PHACTR4: variants seen among roughly 807,000 people sequenced by gnomAD.
The protein encoded by PHACTR4 is phosphatase and actin regulator 4, also known as protein phosphatase 1, regulatory subunit 124.
PHACTR4 carries 51 observed loss-of-function variants against 72.7 expected under a neutral mutation model. That is an observed-to-expected ratio of 0.70 (90% CI 0.56 to 0.89). The LOEUF is 0.89. Ranked by LOEUF, PHACTR4 falls within the 40% of genes least tolerant of loss-of-function variation. PHACTR4 has a pLI of 0.00. For missense variants in PHACTR4, 731 were observed against 861.8 expected (o/e 0.85, Z 1.90); for synonymous variants, 255 against 302.5 (o/e 0.84, Z 1.63).
intron 1 of PHACTR4, among the ~76,000 whole-genome samples, chr1:28,398,335 A>G (rs1334567891): frequency 1.3e-5 from 2 of 152,046 alleles, no homozygotes; most frequent in Admixed American, 6.6e-5. Flanking sequence ...CCTGGCCAGC[A>G]TGGTGAAACC....
At chr1:28,378,136 G>T (rs1651836663) in intron 1 of PHACTR4, among the ~76,000 whole-genome samples, 1 of 144,896 alleles carries the variant, frequency 6.9e-6, no homozygotes, top group Non-Finnish European at 1.5e-5. Context: ...GGCACGGCTT[G>T]CAGTGAGCCA....
At position 28,380,050 on chromosome 1, in the gene PHACTR4, A is replaced by ATTT. The variant is rs1405487346; in HGVS notation, c.-39+10225_-39+10226insTTT. ...GTTATTCTGTGTTTTTTTAAATGTAACTTTTTTTTTTTTTTTTTTTTTTTG... is the reference window on the plus strand; with the variant it reads ...GTTATTCTGTGTTTTTTTAAATGTAATTTCTTTTTTTTTTTTTTTTTTTTTTTG... On this transcript the variant is annotated intron_variant, in intron 1 of 13. Transcript: ENST00000373839. 3.5e-3 allele frequency among the ~76,000 whole-genome samples: 446 copies of ATTT among 127,906 alleles called. 20 individuals are homozygous for ATTT. Among genetic ancestry groups the ATTT allele is most frequent in the African/African-American group, 4.6e-3 (152 of 33,016 alleles). 83.9% of individuals were successfully genotyped at this position (127,906 alleles called of 152,430 possible).
At chr1:28,399,039 C>T (rs962224345) in intron 1 of PHACTR4, among the ~76,000 whole-genome samples, 3 of 151,824 alleles carry the variant, frequency 2.0e-5, no homozygotes, top group African/African-American at 7.3e-5. Context: ...AGGCTGGGTG[C>T]GGTGGCTCAC....
chr1:28,427,221 G>T (rs1174930140), intron 2 of PHACTR4, among the ~76,000 whole-genome samples: 2 of 152,040 alleles, frequency 1.3e-5, no homozygotes, highest in Non-Finnish European at 2.9e-5. Context: ...GCTGCCATTA[G>T]AACCAATAAC....
chr1:28,432,477 A>AT lies in PHACTR4; in HGVS notation c.16+25015dup, dbSNP rs1656339609. 4.7e-5 allele frequency among the ~76,000 whole-genome samples: 7 copies of AT among 149,094 alleles called. 1 individual carries two copies. The South Asian group carries it at 1.5e-3, about 31-fold the overall frequency. ...GACAACATAGTGTGACCCTGTCTCT[A>AT]TAAAAAAAAATTAAAAAATTAGCTG... On this transcript the variant is annotated intron_variant, in intron 2 of 13. Coordinates refer to ENST00000373839, the MANE Select transcript of PHACTR4 (RefSeq NM_001048183.3).
chr1:28,417,432 C>T (rs1655171955), intron 2 of PHACTR4, among the ~76,000 whole-genome samples: 1 of 151,880 alleles, frequency 6.6e-6, no homozygotes, highest in Admixed American at 6.6e-5. Context: ...ATAAGTAAAA[C>T]AAAGATTACT....
intron 2 of PHACTR4, among the ~76,000 whole-genome samples, chr1:28,436,975 G>A (rs532460069): frequency 4.6e-5 from 7 of 152,114 alleles, no homozygotes; most frequent in Admixed American, 2.6e-4. Context: ...TATTTATTTC[G>A]TTTATTGTTT....
intron 1 of PHACTR4, among the ~76,000 whole-genome samples, chr1:28,406,563 GC>G (rs1203935383): frequency 3.3e-5 from 5 of 152,254 alleles, no homozygotes; most frequent in African/African-American, 1.2e-4. Context: ...AGTACGAGTA[GC>G]CCATGAGCCA....
Position 28,476,107 on chromosome 1 carries a change from T to A in PHACTR4, c.1422T>A (p.Val474=). The change falls in exon 8 of 14, where the codon GTT becomes GTA. Residue 474 remains valine (V), a splice_region_variant and synonymous_variant. Coordinates refer to ENST00000373839, the MANE Select transcript of PHACTR4 (RefSeq NM_001048183.3). ...AAATATAATTATGTTAATTTGTTAG[T>A]CCAGACGATGAAGAAGAAGAGGAGC... ...SLPITIEMLK[V]PDDEEEEEQT... 1 of 1,600,154 alleles carries A rather than the reference T, an allele frequency of 6.2e-7. No individual in the cohort carries two copies. The highest frequency in any genetic ancestry group is 1.8e-5 in the Admixed American group (1 of 55,524).
chr1:28,393,363 G>T (rs1203685674), intron 1 of PHACTR4, among the ~76,000 whole-genome samples: 2 of 152,170 alleles, frequency 1.3e-5, no homozygotes, highest in East Asian at 1.9e-4. Context: ...AACCACTATA[G>T]TAGGCTCATT....
At chr1:28,404,272 C>T (rs1654155461) in intron 1 of PHACTR4, among the ~76,000 whole-genome samples, 1 of 122,466 alleles carries the variant, frequency 8.2e-6, no homozygotes, top group Non-Finnish European at 1.7e-5. Flanking sequence ...TTTGTATGAA[C>T]ATCCTTTTTT....
At chr1:28,378,852 A>G (rs1431733300) in intron 1 of PHACTR4, among the ~76,000 whole-genome samples, 25 of 152,158 alleles carry the variant, frequency 1.6e-4, no homozygotes, top group Non-Finnish European at 1.5e-5. Context: ...TATATTTGGA[A>G]GTGGTGGACA....
chr1:28,491,934 C>G lies in PHACTR4; in HGVS notation c.2016+147C>G, dbSNP rs1047037140. On this transcript the variant is annotated intron_variant, in intron 12 of 13. Transcript: ENST00000373839. ...AATTTCAAATCAAGATACAAAATGC[C>G]AAGTTGAACAAGTCAAAATGTTATA... 7.8e-6 allele frequency: 8 copies of G among 1,019,196 alleles called. No individual in the cohort carries two copies. In the Admixed American group the frequency reaches 9.5e-5, roughly 12 times the overall value. The allele number at this position is 1,019,196 out of a possible 1,614,324, so 63.1% of individuals were successfully genotyped here. A position where few individuals can be genotyped will look rare whatever the true frequency, so the allele number is the denominator to read the frequency against.
chr1:28,448,778 A>C (rs1386422617), intron 2 of PHACTR4, among the ~76,000 whole-genome samples: 2 of 145,614 alleles, frequency 1.4e-5, no homozygotes, highest in African/African-American at 5.2e-5. Context: ...AAAAAAAAAA[A>C]AAAAAAACCT....
chr1:28,417,287 G>C (rs914748309), intron 2 of PHACTR4, among the ~76,000 whole-genome samples: 35 of 152,056 alleles, frequency 2.3e-4, no homozygotes, highest in Non-Finnish European at 7.4e-5. Context: ...TGAAATCATG[G>C]ATAATACTGA....
intron 1 of PHACTR4, among the ~76,000 whole-genome samples, chr1:28,371,602 A>G (rs1228508354): frequency 6.6e-6 from 1 of 151,304 alleles, no homozygotes; most frequent in African/African-American, 2.4e-5. Flanking sequence ...GCCAATTTTT[A>G]TGTATTTATT....
intron 1 of PHACTR4, among the ~76,000 whole-genome samples, chr1:28,400,832 G>A (rs1361529481): frequency 6.6e-6 from 1 of 152,168 alleles, no homozygotes; most frequent in East Asian, 1.9e-4. Flanking sequence ...TGCCTGCCTC[G>A]GCCTCCCACA....
At chr1:28,381,671 G>T (rs12076528) in intron 1 of PHACTR4, among the ~76,000 whole-genome samples, 59,454 of 151,882 alleles carry the variant, frequency 0.39, 13,517 homozygotes, top group African/African-American at 0.62. Flanking sequence ...CATTTCGATT[G>T]GCATTTCTCT....
At chr1:28,496,074 T>TG in intron 13 of PHACTR4, among the ~76,000 whole-genome samples, 1 of 139,846 alleles carries the variant, frequency 7.2e-6, no homozygotes, top group East Asian at 2.0e-4. Flanking sequence ...TTTTTTTTTT[T>TG]GAGACGGAGT....
Sources: gnomAD v4.1 joint callset for allele counts (sites outside exome capture counted in the v4.1 genomes callset) on GRCh38, gnomAD v4.1.1 for gene constraint, MANE v1.5 for transcripts, NCBI Gene and HGNC (gene_info 2026-07-23, HGNC 2026-07-21) for gene names.